Variants in CYP4F12 observed in about 807,000 individuals in gnomAD.
CYP4F12 encodes cytochrome P450 family 4 subfamily F member 12.
CYP4F12 carries 60 observed loss-of-function variants against 56.5 expected under a neutral mutation model. That is an observed-to-expected ratio of 1.06 (90% confidence interval 0.86 to 1.32). CYP4F12 has a LOEUF of 1.32. Among genes scored for constraint, CYP4F12 ranks in the 40% most tolerant of loss-of-function variants. The pLI is 0.00. For missense variants in CYP4F12, 711 were observed against 683.5 expected (o/e 1.04, Z -0.45); for synonymous variants, 263 against 264.9 (o/e 0.99, Z 0.07).
intron 9 of CYP4F12, among the ~76,000 whole-genome samples, chr19:15,692,091 T>C (rs1280115619): frequency 6.6e-6 from 1 of 152,182 alleles, no homozygotes; most frequent in Non-Finnish European, 1.5e-5. Flanking sequence ...CCCGAGTAAC[T>C]GGGACTACAG....
At position 15,696,984 on chromosome 19, in the gene CYP4F12, C is replaced by T. The variant is rs763620554; in HGVS notation, c.1474C>T (p.Leu492=). ...GTTGATGCTGCTGCACTTCCGGTTC[C>T]TGCCAGACCACACTGAGCCCCGCAG... ...LALMLLHFRF[L]PDHTEPRRKL... The change falls in exon 13 of 13, where the codon CTG becomes TTG. Residue 492 remains leucine (L), a synonymous_variant. Transcript: ENST00000550308. The T allele has an allele frequency of 1.2e-6, 2 of 1,614,262 alleles. No individual in the cohort carries two copies. The highest frequency in any genetic ancestry group is 2.2e-5 in the South Asian group (2 of 91,090).
intron 9 of CYP4F12, among the ~76,000 whole-genome samples, chr19:15,686,073 TC>T (rs1331558007): frequency 6.6e-6 from 1 of 152,086 alleles, no homozygotes; most frequent in Non-Finnish European, 1.5e-5. Flanking sequence ...GTAGGAACAG[TC>T]CCCCACAAGA....
At chr19:15,682,356 C>T (rs1279323478) in intron 5 of CYP4F12, 33 bp from the exon 6 acceptor site, 1 of 1,608,738 alleles carries the variant, frequency 6.2e-7, no homozygotes, top group South Asian at 1.1e-5. Context: ...GGAGGCAGGG[C>T]CCAGCTCTAG....
At chr19:15,684,756 TTGTGTGTGTGTGTGTGTGTGTGTGTG>T in intron 7 of CYP4F12, 34 bp from the exon 8 acceptor site, 10 of 1,042,910 alleles carry the variant, frequency 9.6e-6, no homozygotes, top group African/African-American at 1.7e-5. Flanking sequence ...ATAGTATAAT[TTGTGTGTGTGTGTGTGTGTGTGTGTG>T]TGTGTGTGTG....
chr19:15,690,320 T>A (rs919814610), intron 9 of CYP4F12, among the ~76,000 whole-genome samples: 9 of 152,240 alleles, frequency 5.9e-5, no homozygotes, highest in Non-Finnish European at 8.8e-5. Context: ...TCATCTCATA[T>A]ACTCATCATT....
chr19:15,673,685 A>G lies in CYP4F12; in HGVS notation c.156A>G (p.Pro52=). ...YNNCRRLQCF[P]QPPKRNWFWG... is the part of the protein sequence containing the mutation. ...ACTGCCGCCGGCTCCAGTGTTTCCC[A>G]CAGCCCCCAAAACGGAACTGGTTTT... Residue 52 remains proline (P), a synonymous_variant, in exon 2 of 13, where the codon CCA becomes CCG. Coordinates refer to ENST00000550308, the MANE Select transcript of CYP4F12 (RefSeq NM_023944.4). 2 of 1,614,000 alleles carry G rather than the reference A, an allele frequency of 1.2e-6. No individual in the cohort carries two copies. Among genetic ancestry groups the G allele is most frequent in the Non-Finnish European group, 1.7e-6 (2 of 1,179,984 alleles).
Position 15,673,742 on chromosome 19 carries a change from A to C in CYP4F12, c.198+15A>C, listed in dbSNP as rs756238032. On this transcript the variant is annotated intron_variant, in intron 2 of 12. Coordinates refer to ENST00000550308, the MANE Select transcript of CYP4F12 (RefSeq NM_023944.4). ...ACCTGGGCCTGGTGAGTGTGACAGC[A>C]AAATGTGTCTGGGGTCTCAGGGTGG... 1.2e-6 allele frequency: 2 copies of C among 1,613,332 alleles called. No homozygotes were observed. Among genetic ancestry groups the C allele is most frequent in the South Asian group, 2.2e-5 (2 of 91,070 alleles).
At chr19:15,676,476 CTCACTCATTCCTTTTCTCACTCAT>C (rs1459981707) in intron 2 of CYP4F12, among the ~76,000 whole-genome samples, 2 of 22,484 alleles carry the variant, frequency 8.9e-5, no homozygotes, top group East Asian at 0.014. Context: ...CCTGTCCTCA[CTCACTCATTCCTTTTCTCACTCAT>C]TCATTCCTCT....
rs551015006 is a variant in CYP4F12 at position 15,697,165 on chromosome 19, C to A, written c.*80C>A. 8 of 1,529,610 alleles carry A rather than the reference C, an allele frequency of 5.2e-6. No individual in the cohort carries two copies. The African/African-American group carries it at 6.9e-5, about 13-fold the overall frequency. 94.8% of individuals were successfully genotyped at this position (1,529,610 alleles called of 1,614,324 possible). A position where few individuals can be genotyped will look rare whatever the true frequency, so the allele number is the denominator to read the frequency against. On this transcript the variant is annotated 3_prime_UTR_variant, in exon 13 of 13. Transcript: ENST00000550308. Reference sequence around the variant, plus strand: ...GTCACCTCTGCCTGGGCCTCACTGACAGCCTGCAGGGGGCTCTTGGGGACT... The same window carrying A: ...GTCACCTCTGCCTGGGCCTCACTGAAAGCCTGCAGGGGGCTCTTGGGGACT...
chr19:15,693,885 C>G lies in CYP4F12; in HGVS notation c.1116-2051C>G, dbSNP rs558840972. ...TTTGTATAAGGTGTAAGGAAGGGAT[C>G]TAGTTTCAGCTTTCTACATATGGCT... On this transcript the variant is annotated intron_variant, in intron 9 of 12. Transcript: ENST00000550308. 1.3e-4 allele frequency among the ~76,000 whole-genome samples: 18 copies of G among 136,612 alleles called. No individual in the cohort carries two copies. The East Asian group carries it at 3.5e-3, about 26-fold the overall frequency. The allele number at this position is 136,612 out of a possible 152,430, so 89.6% of individuals were successfully genotyped here.
chr19:15,677,807 C>T lies in CYP4F12; in HGVS notation c.199-454C>T, dbSNP rs111163901. Reference sequence around the variant, plus strand: ...TCCTTCCTCTCCTCACTCACTCATTCTTCTGCTCGCTCACTCACTCATTCC... The same window carrying T: ...TCCTTCCTCTCCTCACTCACTCATTTTTCTGCTCGCTCACTCACTCATTCC... On this transcript the variant is annotated intron_variant, in intron 2 of 12. Coordinates refer to ENST00000550308, the MANE Select transcript of CYP4F12 (RefSeq NM_023944.4). 8.8e-4 allele frequency among the ~76,000 whole-genome samples: 2 copies of T among 2,276 alleles called. 1 individual carries two copies. The highest frequency in any genetic ancestry group is 1.6e-3 in the African/African-American group (2 of 1,246). The allele number at this position is 2,276 out of a possible 152,430, so 1.5% of individuals were successfully genotyped here.
chr19:15,676,237 T>C (rs1409319567), intron 2 of CYP4F12, among the ~76,000 whole-genome samples: 2 of 152,098 alleles, frequency 1.3e-5, no homozygotes, highest in African/African-American at 4.8e-5. Context: ...GTATTGATGG[T>C]GGCTGGGGTC....
chr19:15,683,092 C>G (rs74634712), intron 6 of CYP4F12, among the ~76,000 whole-genome samples: 2,276 of 134,316 alleles, frequency 0.017, 2 homozygotes, highest in African/African-American at 0.06. Context: ...GACAGAGAGA[C>G]AGAGAGAGAG....
intron 5 of CYP4F12, chr19:15,680,784 T>A: frequency 4.1e-6 from 2 of 493,208 alleles, no homozygotes; most frequent in East Asian, 4.1e-5. Flanking sequence ...AAATGAAGAT[T>A]GTGTAGTAGT....
chr19:15,696,402 T>G (rs596252), intron 11 of CYP4F12, 28 bp from the exon 12 acceptor site: 400,488 of 1,613,668 alleles, frequency 0.25, 52,568 homozygotes, highest in African/African-American at 0.43. Flanking sequence ...GAAATCCCAC[T>G]GGCAAACCTT....
At chr19:15,685,641 C>G (rs2007566229) in intron 9 of CYP4F12, among the ~76,000 whole-genome samples, 2 of 152,146 alleles carry the variant, frequency 1.3e-5, no homozygotes, top group Non-Finnish European at 2.9e-5. Flanking sequence ...ACCTGGCTAG[C>G]AGGGGAAAGT....
At position 15,678,372 on chromosome 19, in the gene CYP4F12, C is replaced by T. The variant is rs1212356247; in HGVS notation, c.310C>T (p.Pro104Ser). 6 of 1,614,162 alleles carry T rather than the reference C, an allele frequency of 3.7e-6. No homozygotes were observed. In the African/African-American group the frequency reaches 5.3e-5, roughly 14 times the overall value. Residue 104 changes from proline to serine, a missense_variant, in exon 3 of 13, where the codon CCT becomes TCT. By Grantham distance (74) the Pro-to-Ser change is moderately conservative. Coordinates refer to ENST00000550308, the MANE Select transcript of CYP4F12 (RefSeq NM_023944.4). Reference sequence around the variant, plus strand: ...CATCCCCTTCATCGTTTTATGCCACCCTGACACCATCCGGTCTATCACCAA... The same window carrying T: ...CATCCCCTTCATCGTTTTATGCCACTCTGACACCATCCGGTCTATCACCAA... ...PIIPFIVLCHPDTIRSITNAS... is the reference protein window; with the variant it reads ...PIIPFIVLCHSDTIRSITNAS...
intron 9 of CYP4F12, among the ~76,000 whole-genome samples, chr19:15,686,765 T>G (rs2007627203): frequency 6.6e-6 from 1 of 152,090 alleles, no homozygotes; most frequent in South Asian, 2.1e-4. Context: ...GAGGACCAGC[T>G]GTAGAATGAA....
At chr19:15,687,463 G>A (rs1197002270) in intron 9 of CYP4F12, among the ~76,000 whole-genome samples, 1 of 152,186 alleles carries the variant, frequency 6.6e-6, no homozygotes, top group African/African-American at 2.4e-5. Flanking sequence ...TGGGTTGGAG[G>A]CAATGTCAGT....
Sources: allele counts gnomAD v4.1 joint callset (sites outside exome capture counted in the v4.1 genomes callset), GRCh38; gene constraint gnomAD v4.1.1; transcripts MANE v1.5; gene names NCBI Gene and HGNC (gene_info 2026-07-23, HGNC 2026-07-21).